PPCDC: variants seen among roughly 807,000 people sequenced by gnomAD.
PPCDC encodes the protein phosphopantothenoylcysteine decarboxylase.
PPCDC carries 20 observed loss-of-function variants against 20.7 expected under a neutral mutation model. The ratio of observed to expected loss-of-function variants is 0.97; its 90% CI spans 0.68 to 1.41. The LOEUF (loss-of-function observed/expected upper bound fraction) is 1.41, where lower values mean the gene tolerates loss of function less well. Among genes scored for constraint, PPCDC ranks in the 40% most tolerant of loss-of-function variants. PPCDC has a pLI of 0.00. For synonymous variants in PPCDC, 88 were observed against 100.3 expected, an observed-to-expected ratio of 0.88 and a Z score of 0.73; for missense variants, 246 against 263.8, an observed-to-expected ratio of 0.93 and a Z score of 0.47.
chr15:75,039,746 CTCT>C (rs1322731944), intron 2 of PPCDC, among the ~76,000 whole-genome samples: 1 of 151,876 alleles, frequency 6.6e-6, no homozygotes, highest in Non-Finnish European at 1.5e-5. Context: ...CTGTTGGTTC[CTCT>C]TCTTTTTGTT....
chr15:75,039,029 GT>G (rs1221550381), intron 2 of PPCDC, among the ~76,000 whole-genome samples: 1 of 151,796 alleles, frequency 6.6e-6, no homozygotes, highest in Non-Finnish European at 1.5e-5. Context: ...TCATCTTTAA[GT>G]TTTCTTCTCC....
intron 2 of PPCDC, among the ~76,000 whole-genome samples, chr15:75,033,728 G>A (rs1206970850): frequency 1.3e-5 from 2 of 151,952 alleles, no homozygotes; most frequent in Non-Finnish European, 2.9e-5. Flanking sequence ...ACCTTTATTT[G>A]TGCCTCTGCC....
At chr15:75,035,547 A>G (rs757651757) in intron 2 of PPCDC, among the ~76,000 whole-genome samples, 3 of 152,234 alleles carry the variant, frequency 2.0e-5, no homozygotes, top group Non-Finnish European at 2.9e-5. Context: ...TAGACTTGCC[A>G]ACTGGTTTCG....
intron 2 of PPCDC, among the ~76,000 whole-genome samples, chr15:75,033,620 G>A (rs2066051601): frequency 7.7e-6 from 1 of 130,480 alleles, no homozygotes; most frequent in Non-Finnish European, 1.6e-5. Flanking sequence ...TGCTCACTGA[G>A]GAAAGAGCAG....
intron 1 of PPCDC, among the ~76,000 whole-genome samples, chr15:75,023,832 G>C (rs2065932326): frequency 6.6e-6 from 1 of 152,186 alleles, no homozygotes; most frequent in African/African-American, 2.4e-5. Flanking sequence ...TGTACGGGTG[G>C]GGCCGCCTGG....
Position 75,043,421 on chromosome 15 carries a change from C to G in PPCDC, c.136-20C>G, listed in dbSNP as rs751637511. The G allele has an allele frequency of 6.3e-7, 1 of 1,598,730 alleles. No individual in the cohort carries two copies. The highest frequency in any genetic ancestry group is 8.5e-7 in the Non-Finnish European group (1 of 1,170,240). On this transcript the variant is annotated intron_variant, in intron 2 of 5. Coordinates refer to ENST00000342932, the MANE Select transcript of PPCDC (RefSeq NM_021823.5). ...CAGTTTCTTCCTCCCTCCCCGCCAC[C>G]CCCTTCTTCTTGGTGACAGCTGGAA...
chr15:75,041,141 C>T (rs985993047), intron 2 of PPCDC, among the ~76,000 whole-genome samples: 2 of 152,192 alleles, frequency 1.3e-5, no homozygotes, highest in African/African-American at 2.4e-5. Flanking sequence ...GTCTTCCCCA[C>T]GAAAGAGACA....
intron 2 of PPCDC, among the ~76,000 whole-genome samples, chr15:75,030,158 C>G (rs2066004839): frequency 6.6e-6 from 1 of 152,232 alleles, no homozygotes; most frequent in South Asian, 2.1e-4. Flanking sequence ...GGAGGGCTCC[C>G]CGACTCAGCC....
intron 2 of PPCDC, among the ~76,000 whole-genome samples, chr15:75,036,144 A>G (rs900649243): frequency 6.6e-6 from 1 of 152,182 alleles, no homozygotes; most frequent in African/African-American, 2.4e-5. Flanking sequence ...TCCTGCCCTC[A>G]GGGAGTTTCT....
rs751947895 is a variant in PPCDC at position 75,044,485 on chromosome 15, G to A, written c.331G>A (p.Val111Met). Residue 111 changes from valine to methionine, a missense_variant, in exon 4 of 6, where the codon GTG becomes ATG. Coordinates refer to ENST00000342932, the MANE Select transcript of PPCDC (RefSeq NM_021823.5). ...APLDANTLGK[V>M]ASGICDNLLT... The stretch of plus-strand genomic sequence containing the variant: ...TCTTGATGCCAACACTCTGGGGAAG[G>A]TGGCCAGTGGCATCTGTGACAACTT... The A allele has an allele frequency of 7.9e-5, 128 of 1,614,054 alleles. No homozygotes were observed. Among genetic ancestry groups the A allele is most frequent in the Non-Finnish European group, 1.0e-4 (123 of 1,179,998 alleles).
rs2141496403 is a variant in PPCDC, at chr15:75,043,776, G to A, written c.231+240G>A. 7 of 519,186 alleles carry A rather than the reference G, an allele frequency of 1.3e-5. No homozygotes were observed. In the East Asian group the frequency reaches 2.4e-4, roughly 18 times the overall value. The allele number at this position is 519,186 out of a possible 1,614,324, so 32.2% of individuals were successfully genotyped here. ...TTTGGCCTGGTGCCTGAGGTTGAGT[G>A]TCCTTGTACTTATCTGGGCTGATGA... is the stretch of plus-strand genomic sequence containing the variant. On this transcript the variant is annotated intron_variant, in intron 3 of 5. Transcript: ENST00000342932.
intron 2 of PPCDC, among the ~76,000 whole-genome samples, 166 bp downstream of exon 2, chr15:75,028,619 CAG>C (rs2065985792): frequency 6.6e-6 from 1 of 152,102 alleles, no homozygotes; most frequent in South Asian, 2.1e-4. Flanking sequence ...ATTCAGGAGA[CAG>C]AGACCAGTGC....
At chr15:75,043,111 C>T (rs2066173694) in intron 2 of PPCDC, among the ~76,000 whole-genome samples, 1 of 152,264 alleles carries the variant, frequency 6.6e-6, no homozygotes, top group Non-Finnish European at 1.5e-5. Flanking sequence ...GACTTCCTTT[C>T]CTGTCACTTG....
intron 4 of PPCDC, among the ~76,000 whole-genome samples, chr15:75,046,362 C>G (rs1197725796): frequency 6.6e-6 from 1 of 152,270 alleles, no homozygotes; most frequent in African/African-American, 2.4e-5. Context: ...TCCAGGCTCC[C>G]TGCTGGCGGG....
chr15:75,043,317 CCT>C (rs2066177222), intron 2 of PPCDC, 122 bp from the exon 3 acceptor site: 1 of 738,836 alleles, frequency 1.4e-6, no homozygotes, highest in Non-Finnish European at 2.2e-6. Flanking sequence ...GGAGGGAAGT[CCT>C]CTCTCAAGCC....
intron 2 of PPCDC, among the ~76,000 whole-genome samples, chr15:75,034,121 A>G (rs182598958): frequency 6.6e-6 from 1 of 152,256 alleles, no homozygotes; most frequent in Non-Finnish European, 1.5e-5. Flanking sequence ...CATGGGTCAT[A>G]AGGGGAAACC....
At chr15:75,039,447 A>G (rs1364063527) in intron 2 of PPCDC, among the ~76,000 whole-genome samples, 2 of 152,136 alleles carry the variant, frequency 1.3e-5, no homozygotes, top group Non-Finnish European at 2.9e-5. Context: ...CTGCAAGGGT[A>G]GTATGTTTGG....
rs569912306 is a variant in PPCDC at position 75,049,385 on chromosome 15, G to A, written c.*150G>A. On this transcript the variant is annotated 3_prime_UTR_variant, in exon 6 of 6. Coordinates refer to ENST00000342932, the MANE Select transcript of PPCDC (RefSeq NM_021823.5). ...TGCCCAGGGGCCAGGCCTGCTCCAG[G>A]TTAAACTGGACGGAAGGCCCAGGTC... is the stretch of plus-strand genomic sequence containing the variant. The A allele has an allele frequency of 3.2e-5, 23 of 715,774 alleles. No homozygotes were observed. In the South Asian group the frequency reaches 4.2e-4, roughly 13 times the overall value. The allele number at this position is 715,774 out of a possible 1,614,324, so 44.3% of individuals were successfully genotyped here.
chr15:75,038,857 C>T (rs545850055), intron 2 of PPCDC, among the ~76,000 whole-genome samples: 2 of 151,640 alleles, frequency 1.3e-5, no homozygotes, highest in South Asian at 2.1e-4. Context: ...TACTATTATC[C>T]GTTTCTTTAT....
Sources: gnomAD v4.1 joint callset for allele counts (sites outside exome capture counted in the v4.1 genomes callset) on GRCh38, gnomAD v4.1.1 for gene constraint, MANE v1.5 for transcripts, NCBI Gene and HGNC (gene_info 2026-07-23, HGNC 2026-07-21) for gene names.